Variants in PLA2R1 observed in about 807,000 individuals in gnomAD.
PLA2R1 encodes secretory phospholipase A2 receptor.
A neutral mutation model predicts 195.9 loss-of-function variants in PLA2R1; 158 were observed. The observed-to-expected ratio is 0.81, with a 90% CI of 0.71 to 0.92. The LOEUF (loss-of-function observed/expected upper bound fraction) is 0.92, where lower values mean the gene tolerates loss of function less well. Ranked by LOEUF, PLA2R1 falls within the 40% of genes least tolerant of loss-of-function variation. PLA2R1 has a pLI of 0.00. For synonymous variants in PLA2R1, 586 were observed against 598.2 expected (o/e 0.98, Z 0.30); for missense variants, 1,626 against 1,764.6 (o/e 0.92, Z 1.41).
At chr2:159,987,492 G>C in intron 11 of PLA2R1, 134 bp from the exon 12 acceptor site, 1 of 638,936 alleles carries the variant, frequency 1.6e-6, no homozygotes, top group South Asian at 1.9e-5. Flanking sequence ...AGATGAAAAC[G>C]AATGTCTTAT....
intron 3 of PLA2R1, among the ~76,000 whole-genome samples, chr2:160,035,729 T>A (rs1380716513): frequency 2.0e-5 from 3 of 152,172 alleles, no homozygotes; most frequent in Non-Finnish European, 4.4e-5. Context: ...AAACTACACC[T>A]CCTTTTTAAT....
chr2:159,943,004 C>T (rs1687174596), intron 28 of PLA2R1, among the ~76,000 whole-genome samples: 1 of 148,790 alleles, frequency 6.7e-6, no homozygotes, highest in African/African-American at 2.5e-5. Context: ...CGAAGTCTCA[C>T]TCTGTTGCCC....
intron 20 of PLA2R1, among the ~76,000 whole-genome samples, chr2:159,965,826 T>C (rs1026292551): frequency 6.6e-6 from 1 of 152,168 alleles, no homozygotes; most frequent in African/African-American, 2.4e-5. Flanking sequence ...TGCTCTGGAT[T>C]TGGGCCGTTC....
Position 160,022,850 on chromosome 2 carries a change from G to T in PLA2R1, c.1109C>A (p.Ala370Glu), listed in dbSNP as rs34916310. 9.0e-4 allele frequency: 1,420 copies of T among 1,586,088 alleles called. 8 individuals are homozygous for T. The African/African-American group carries it at 0.017, about 19-fold the overall frequency. ...ACAGTGGGTAGCATAATATTTCCACGCATCTTTTTCTTTTTAAACCAACAA... is the reference window on the plus strand; with the variant it reads ...ACAGTGGGTAGCATAATATTTCCACTCATCTTTTTCTTTTTAAACCAACAA... ...HIDHEIVEKD[A>E]WKYYATHCEP... Residue 370 changes from alanine (A) to glutamate (E), a missense_variant, in exon 7 of 30, where the codon GCG becomes GAG. Physicochemically the swap from Ala to Glu is moderately radical, Grantham distance 107. Transcript: ENST00000283243.
At position 159,984,202 on chromosome 2, in the gene PLA2R1, A is replaced by T. The variant is rs1360573532; in HGVS notation, c.2038-129T>A. 6.1e-6 allele frequency: 3 copies of T among 491,990 alleles called. No homozygotes were observed. In the Admixed American group the frequency reaches 1.0e-4, roughly 17 times the overall value. The allele number at this position is 491,990 out of a possible 1,614,324, so 30.5% of individuals were successfully genotyped here. On this transcript the variant is annotated intron_variant, in intron 12 of 29. Coordinates refer to ENST00000283243, the MANE Select transcript of PLA2R1 (RefSeq NM_007366.5). ...TTTATAAAGAGCTTGATCTAGTGGG[A>T]GGAAGTAATATTTACTGAATTAGAA... is the stretch of plus-strand genomic sequence containing the variant.
intron 5 of PLA2R1, among the ~76,000 whole-genome samples, chr2:160,028,624 G>A (rs753209442): frequency 6.6e-6 from 1 of 152,094 alleles, no homozygotes; most frequent in Non-Finnish European, 1.5e-5. Flanking sequence ...CAGCAGACTG[G>A]AATCTTGGCT....
intron 6 of PLA2R1, among the ~76,000 whole-genome samples, chr2:160,026,351 T>C (rs1185286354): frequency 6.6e-6 from 1 of 152,196 alleles, no homozygotes; most frequent in Non-Finnish European, 1.5e-5. Flanking sequence ...ATTTTATACA[T>C]AGTATGTGGG....
At chr2:160,031,627 A>C (rs1170322641) in intron 4 of PLA2R1, among the ~76,000 whole-genome samples, 1 of 152,178 alleles carries the variant, frequency 6.6e-6, no homozygotes, top group African/African-American at 2.4e-5. Context: ...TGCTTGAGTA[A>C]CCCTGCTACT....
At position 160,061,632 on chromosome 2, in the gene PLA2R1, G is replaced by C. The variant is rs374896433; in HGVS notation, c.109+663C>G. Among the ~76,000 whole-genome samples, 9 of 152,080 alleles carry C rather than the reference G, an allele frequency of 5.9e-5. No homozygotes were observed. The East Asian group carries it at 1.6e-3, about 26-fold the overall frequency. ...CCACCAAAAATACAAAAATTTTGCT[G>C]GGCGTGCGGGCGCACACCTGTGGTC... is the stretch of plus-strand genomic sequence containing the variant. On this transcript the variant is annotated intron_variant, in intron 1 of 29. Transcript: ENST00000283243.
chr2:160,023,916 T>A (rs1351581625), intron 6 of PLA2R1, among the ~76,000 whole-genome samples: 1 of 130,208 alleles, frequency 7.7e-6, no homozygotes, highest in Non-Finnish European at 1.6e-5. Context: ...CAACCCCCGT[T>A]ATAAGCAGCT....
At position 160,005,031 on chromosome 2, in the gene PLA2R1, G is replaced by A. The variant is rs904723056; in HGVS notation, c.1834+621C>T. ...AGCACTTGAGATTCTTAGACAGTGG[G>A]GGGTGCAGGTGGGGAGAAAGACATT... On this transcript the variant is annotated intron_variant, in intron 11 of 29. Transcript: ENST00000283243. Among the ~76,000 whole-genome samples the A allele has an allele frequency of 2.6e-5, 4 of 152,180 alleles. No homozygotes were observed. In the East Asian group the frequency reaches 7.7e-4, roughly 29 times the overall value.
In PLA2R1 at chr2:159,975,984, C is replaced by T. The variant is rs192664934; in HGVS notation, c.2595+84G>A. The T allele has an allele frequency of 1.6e-3, 1,470 of 937,468 alleles. 4 individuals carry two copies. Among genetic ancestry groups the T allele is most frequent in the Non-Finnish European group, 2.0e-3 (1,182 of 591,448 alleles). The allele number at this position is 937,468 out of a possible 1,614,324, so 58.1% of individuals were successfully genotyped here. A position where few individuals can be genotyped will look rare whatever the true frequency, so the allele number is the denominator to read the frequency against. Reference sequence around the variant, plus strand: ...TTTAAATAAATATCCGAAGTCAAATCGAAAAAACTATCCCTCCCTCCCTCC... The same window carrying T: ...TTTAAATAAATATCCGAAGTCAAATTGAAAAAACTATCCCTCCCTCCCTCC... On this transcript the variant is annotated intron_variant, in intron 17 of 29. Coordinates refer to ENST00000283243, the MANE Select transcript of PLA2R1 (RefSeq NM_007366.5).
intron 2 of PLA2R1, 122 bp downstream of exon 2, chr2:160,044,652 C>G: frequency 1.3e-6 from 1 of 781,706 alleles, no homozygotes; most frequent in Non-Finnish European, 2.1e-6. Flanking sequence ...ATGTATTTAG[C>G]AGAAGTCCCT....
chr2:159,969,797 C>T (rs2105238370), intron 18 of PLA2R1, among the ~76,000 whole-genome samples: 1 of 152,288 alleles, frequency 6.6e-6, no homozygotes, highest in Middle Eastern at 3.4e-3. Context: ...CCCTCCTTGG[C>T]CTCCCAAAGT....
At chr2:159,950,017 G>A (rs560339381) in intron 24 of PLA2R1, among the ~76,000 whole-genome samples, 14 of 152,300 alleles carry the variant, frequency 9.2e-5, no homozygotes, top group African/African-American at 3.4e-4. Flanking sequence ...AGCAATCGGC[G>A]TGAAATTGGA....
At chr2:159,982,083 G>T (rs960201869) in intron 13 of PLA2R1, among the ~76,000 whole-genome samples, 18 of 152,142 alleles carry the variant, frequency 1.2e-4, no homozygotes, top group Admixed American at 8.5e-4. Flanking sequence ...AGTGACATTT[G>T]ATCTTAAAGC....
intron 8 of PLA2R1, among the ~76,000 whole-genome samples, chr2:160,018,745 G>A (rs1432987908): frequency 2.0e-5 from 3 of 152,228 alleles, no homozygotes; most frequent in African/African-American, 4.8e-5. Context: ...ATGGGGCTGA[G>A]AGACACTGCC....
rs116708930 is a variant in PLA2R1 at position 160,020,658 on chromosome 2, C to T, written c.1295-395G>A. ...GACCTGAGATAGCACACTCAGCCCCCTCTCCATGTGATGCCCTGTGCCACC... is the reference window on the plus strand; with the variant it reads ...GACCTGAGATAGCACACTCAGCCCCTTCTCCATGTGATGCCCTGTGCCACC... On this transcript the variant is annotated intron_variant, in intron 7 of 29. Transcript: ENST00000283243. Among the ~76,000 whole-genome samples the T allele has an allele frequency of 7.2e-3, 1,091 of 152,300 alleles. 5 individuals are homozygous for T. The highest frequency in any genetic ancestry group is 0.01 in the Non-Finnish European group (687 of 68,024).
At chr2:160,021,849 G>A (rs1313224298) in intron 7 of PLA2R1, among the ~76,000 whole-genome samples, 1 of 152,148 alleles carries the variant, frequency 6.6e-6, no homozygotes, top group African/African-American at 2.4e-5. Context: ...GCATTGAAAT[G>A]GAGTTGCTGC....
Sources: allele counts gnomAD v4.1 joint callset (sites outside exome capture counted in the v4.1 genomes callset), GRCh38; gene constraint gnomAD v4.1.1; transcripts MANE v1.5; gene names NCBI Gene and HGNC (gene_info 2026-07-23, HGNC 2026-07-21).